The following DIP2C variants were observed in gnomAD, a reference collection of about 807,000 sequenced individuals.
DIP2C encodes the protein disco-interacting protein 2 homolog C.
A neutral mutation model predicts 192.4 loss-of-function variants in DIP2C; 33 were observed. The ratio of observed to expected loss-of-function variants is 0.17; its 90% CI spans 0.13 to 0.23. DIP2C has a LOEUF of 0.23. Among genes scored for constraint, DIP2C ranks in the 10% least tolerant of loss-of-function variants. DIP2C has a pLI of 1.00. For synonymous variants in DIP2C, 979 were observed against 864.1 expected, an observed-to-expected ratio of 1.13 and a Z score of -2.33; for missense variants, 1,537 against 2,110.1, an observed-to-expected ratio of 0.73 and a Z score of 5.32.
intron 1 of DIP2C, among the ~76,000 whole-genome samples, chr10:686,396 G>T (rs533379344): frequency 6.8e-6 from 1 of 146,932 alleles, no homozygotes; most frequent in African/African-American, 2.5e-5. Context: ...AGGGGCCTCC[G>T]CACCCTCATG....
At chr10:382,044 A>G (rs1310709736) in intron 17 of DIP2C, among the ~76,000 whole-genome samples, 2 of 152,186 alleles carry the variant, frequency 1.3e-5, no homozygotes, top group Non-Finnish European at 2.9e-5. Context: ...AGACGGCTCC[A>G]CTTAGGTAAA....
chr10:390,504 A>T (rs1963375879), intron 11 of DIP2C, 131 bp from the exon 12 acceptor site: 1 of 1,088,616 alleles, frequency 9.2e-7, no homozygotes, highest in Non-Finnish European at 1.3e-6. Context: ...GGACTTCACG[A>T]GATCTAAGAC....
chr10:407,779 C>T (rs746169751), intron 9 of DIP2C, among the ~76,000 whole-genome samples: 10 of 151,820 alleles, frequency 6.6e-5, no homozygotes, highest in Non-Finnish European at 1.5e-5. Context: ...GTTGTTGTTG[C>T]TTTTTTTGGT....
At chr10:623,928 T>TTA (rs1322487561) in intron 1 of DIP2C, among the ~76,000 whole-genome samples, 2 of 152,188 alleles carry the variant, frequency 1.3e-5, no homozygotes, top group African/African-American at 4.8e-5. Context: ...CCTTCACAGA[T>TTA]TATACAGTCA....
rs201553915 is a variant in DIP2C at position 415,907 on chromosome 10, C to T, written c.740-19G>A. ...GGTACTCCTGAAAAACAGGAATCAG[C>T]GGGTGGGGAAAGCGATCATCACAGC... On this transcript the variant is annotated intron_variant, in intron 6 of 36. Transcript: ENST00000280886. 54 of 1,613,084 alleles carry T rather than the reference C, an allele frequency of 3.3e-5. No individual in the cohort carries two copies. Among genetic ancestry groups the T allele is most frequent in the Middle Eastern group, 1.6e-4 (1 of 6,082 alleles).
chr10:415,748 T>C, intron 7 of DIP2C, 21 bp downstream of exon 7: 2 of 1,612,948 alleles, frequency 1.2e-6, no homozygotes, highest in Middle Eastern at 1.7e-4. Flanking sequence ...GGAAGAAACG[T>C]GTGGTAAAGA....
intron 3 of DIP2C, among the ~76,000 whole-genome samples, chr10:471,011 C>G (rs113088842): frequency 2.0e-5 from 3 of 152,142 alleles, no homozygotes; most frequent in Non-Finnish European, 4.4e-5. Context: ...TGCCTCCACA[C>G]TCCTGAACTC....
chr10:479,366 G>C (rs138438865), intron 2 of DIP2C, among the ~76,000 whole-genome samples: 61 of 82,924 alleles, frequency 7.4e-4, no homozygotes, highest in African/African-American at 2.3e-3. Context: ...ATGGAGTCTT[G>C]TTCTGTTGCC....
chr10:351,011 C>G (rs957088716), intron 24 of DIP2C, among the ~76,000 whole-genome samples: 1 of 151,868 alleles, frequency 6.6e-6, no homozygotes, highest in African/African-American at 2.4e-5. Flanking sequence ...GAGCGCGCGG[C>G]GGGCCTGGCA....
chr10:664,865 A>C (rs1026986805), intron 1 of DIP2C: 1 of 152,230 alleles, frequency 6.6e-6, no homozygotes, highest in Admixed American at 6.5e-5. Flanking sequence ...TAGACGGGAA[A>C]AAACAAAGTA....
intron 1 of DIP2C, among the ~76,000 whole-genome samples, chr10:534,258 G>A (rs1847573446): frequency 6.6e-6 from 1 of 152,186 alleles, no homozygotes; most frequent in Admixed American, 6.5e-5. Flanking sequence ...ACGGGGAGGT[G>A]CAACTCTCAC....
At chr10:514,524 T>C (rs1457037730) in intron 1 of DIP2C, among the ~76,000 whole-genome samples, 1 of 152,212 alleles carries the variant, frequency 6.6e-6, no homozygotes, top group African/African-American at 2.4e-5. Flanking sequence ...CCAGGCTGTC[T>C]GTGGGCCTCA....
At chr10:388,963 T>C (rs556702388) in intron 13 of DIP2C, among the ~76,000 whole-genome samples, 2 of 124,864 alleles carry the variant, frequency 1.6e-5, no homozygotes, top group East Asian at 5.0e-4. Flanking sequence ...GGGGGTTCTC[T>C]GGAGTCTCAA....
At chr10:511,954 G>A (rs554195984) in intron 1 of DIP2C, among the ~76,000 whole-genome samples, 38 of 152,288 alleles carry the variant, frequency 2.5e-4, no homozygotes, top group Admixed American at 2.4e-3. Flanking sequence ...GCCGACTGCG[G>A]GAGAAGAGCC....
intron 1 of DIP2C, among the ~76,000 whole-genome samples, chr10:495,674 A>G (rs1212434304): frequency 1.3e-5 from 2 of 152,164 alleles, no homozygotes; most frequent in Admixed American, 6.5e-5. Context: ...CAAGTCCCTG[A>G]TAGAAAATGG....
At chr10:520,596 C>T (rs1289060814) in intron 1 of DIP2C, among the ~76,000 whole-genome samples, 3 of 152,180 alleles carry the variant, frequency 2.0e-5, no homozygotes, top group Non-Finnish European at 4.4e-5. Context: ...GCCCTGGGGC[C>T]GTCCTGACCT....
chr10:600,478 T>C (rs1252677505), intron 1 of DIP2C, among the ~76,000 whole-genome samples: 2 of 150,466 alleles, frequency 1.3e-5, no homozygotes, highest in Admixed American at 1.3e-4. Flanking sequence ...CTTTCCACCT[T>C]AAAGACGACG....
At chr10:484,896 C>A in intron 2 of DIP2C, 1 of 1,611,788 alleles carries the variant, frequency 6.2e-7, no homozygotes, top group Non-Finnish European at 8.5e-7. Context: ...TTCTCCTCGG[C>A]GCTCCTTCAC....
At chr10:551,337 G>A (rs945904672) in intron 1 of DIP2C, among the ~76,000 whole-genome samples, 1 of 152,178 alleles carries the variant, frequency 6.6e-6, no homozygotes, top group African/African-American at 2.4e-5. Flanking sequence ...CCAAGGGGCA[G>A]GCATGCCAGG....
Sources: gnomAD v4.1 joint callset for allele counts (sites outside exome capture counted in the v4.1 genomes callset) on GRCh38, gnomAD v4.1.1 for gene constraint, MANE v1.5 for transcripts, NCBI Gene and HGNC (gene_info 2026-07-23, HGNC 2026-07-21) for gene names.